The following IQSEC1 variants were observed in gnomAD, a reference collection of about 807,000 sequenced individuals.
IQSEC1 encodes IQ motif and SEC7 domain-containing protein 1.
In IQSEC1, 31 loss-of-function variants were observed where a neutral mutation model predicts 91.0. That is an observed-to-expected ratio of 0.34 (90% CI 0.26 to 0.46). The LOEUF (loss-of-function observed/expected upper bound fraction) is 0.46. IQSEC1 is among the 20% of genes least tolerant of loss of function. IQSEC1 has a pLI of 1.00. For missense variants in IQSEC1, 1,388 were observed against 1,575.6 expected, an observed-to-expected ratio of 0.88 and a Z score of 2.02; for synonymous variants, 699 against 662.6, an observed-to-expected ratio of 1.05 and a Z score of -0.84.
At chr3:13,105,249 C>T (rs1338800722) in intron 2 of IQSEC1, among the ~76,000 whole-genome samples, 3 of 152,160 alleles carry the variant, frequency 2.0e-5, no homozygotes, top group South Asian at 2.1e-4. Context: ...CCCTGATCCC[C>T]TCCCCTCCAG....
intron 1 of IQSEC1, among the ~76,000 whole-genome samples, chr3:13,011,725 C>A (rs890861428): frequency 6.6e-6 from 1 of 152,264 alleles, no homozygotes; most frequent in Non-Finnish European, 1.5e-5. Context: ...TTTCACACCC[C>A]TGTTCTGTAG....
intron 1 of IQSEC1, among the ~76,000 whole-genome samples, chr3:13,278,493 G>A (rs1421315196): frequency 6.6e-6 from 1 of 152,172 alleles, no homozygotes; most frequent in African/African-American, 2.4e-5. Flanking sequence ...CTGGCCATTC[G>A]ACAGCATGAA....
In IQSEC1 at chr3:13,207,125, G is replaced by A. The variant is rs73031479; in HGVS notation, c.273-42992C>T. On this transcript the variant is annotated intron_variant, in intron 1 of 15. Transcript: ENST00000648114. This position sits in a 1 kb window ranked among gnomAD's most constrained non-coding sequence, Gnocchi z 4.8. ...CCCTGACAATTTCTACTACTGCATC[G>A]TGGGACCACCCAACTTGTGCCCTCA... Among the ~76,000 whole-genome samples the A allele has an allele frequency of 8.7e-3, 1,323 of 152,152 alleles. 11 individuals carry two copies. The highest frequency in any genetic ancestry group is 0.015 in the Non-Finnish European group (1,035 of 68,000).
chr3:13,032,662 C>T (rs1398035977), intron 1 of IQSEC1, among the ~76,000 whole-genome samples: 1 of 151,646 alleles, frequency 6.6e-6, no homozygotes, highest in Non-Finnish European at 1.5e-5. Context: ...TGGCTCACTG[C>T]AAGCTCCACC....
chr3:13,002,246 A>T (rs944869882), intron 1 of IQSEC1, among the ~76,000 whole-genome samples: 3 of 152,254 alleles, frequency 2.0e-5, no homozygotes, highest in Non-Finnish European at 4.4e-5. Context: ...AGACAAAAAC[A>T]TAAGAAGAAA....
At chr3:13,151,778 C>T (rs1424273702) in intron 2 of IQSEC1, among the ~76,000 whole-genome samples, 6 of 152,110 alleles carry the variant, frequency 3.9e-5, no homozygotes, top group Non-Finnish European at 8.8e-5. Flanking sequence ...CCAGCCTGAC[C>T]AACATGGTGA....
chr3:13,015,817 T>C (rs1703101478), intron 1 of IQSEC1: 1 of 722,216 alleles, frequency 1.4e-6, no homozygotes, highest in Non-Finnish European at 1.7e-6. Flanking sequence ...TCCTTCCAGG[T>C]CTGGCAAACC....
rs189825941 is a variant in IQSEC1, at chr3:13,006,747, G to A, written c.24-64882C>T. Among the ~76,000 whole-genome samples, 99 of 152,348 alleles carry A rather than the reference G, an allele frequency of 6.5e-4. No individual in the cohort carries two copies. The Middle Eastern group carries it at 0.027, about 42-fold the overall frequency. On this transcript the variant is annotated intron_variant, in intron 1 of 13. Transcript: ENST00000613206. ...GGCCCCAGGAGGCAGCAGCACACCC[G>A]GAAGCACTGCCTGGGCCCAGGGGCA...
intron 1 of IQSEC1, among the ~76,000 whole-genome samples, chr3:13,275,815 G>A (rs1301836599): frequency 6.6e-6 from 1 of 152,244 alleles, no homozygotes; most frequent in African/African-American, 2.4e-5. Flanking sequence ...AGGAAGGGGT[G>A]TGAGTAGAAG....
chr3:13,121,833 G>A (rs549906143), intron 2 of IQSEC1, among the ~76,000 whole-genome samples: 1 of 152,352 alleles, frequency 6.6e-6, no homozygotes, highest in East Asian at 1.9e-4. Flanking sequence ...TGAGGGGACA[G>A]ACTAGGCCGC....
rs1335744963 is a variant in IQSEC1 at position 12,901,016 on chromosome 3, C to T, written c.3312G>A (p.Lys1104=). The T allele has an allele frequency of 1.9e-6, 3 of 1,542,966 alleles. No homozygotes were observed. The highest frequency in any genetic ancestry group is 1.7e-6 in the Non-Finnish European group (2 of 1,145,792). ...TTGTGCTGATGCCGCTGGGTTTGGC[C>T]TTGCTGCTGGTGGGGGGCGGCGGGG... ...PPAPPPPTSS[K]AKPSGISTIV Residue 1104 remains lysine, a synonymous_variant, in exon 14 of 14, where the codon AAG becomes AAA. Coordinates refer to ENST00000613206, the MANE Select transcript of IQSEC1 (RefSeq NM_001134382.3).
intron 1 of IQSEC1, among the ~76,000 whole-genome samples, chr3:13,062,472 G>A (rs150247624): frequency 1.6e-4 from 25 of 152,278 alleles, no homozygotes; most frequent in African/African-American, 5.3e-4. Context: ...AGCACATAAG[G>A]AGTTCCATCT....
At chr3:13,195,069 A>G (rs1185853238) in intron 1 of IQSEC1, among the ~76,000 whole-genome samples, 1 of 152,208 alleles carries the variant, frequency 6.6e-6, no homozygotes, top group Non-Finnish European at 1.5e-5. Flanking sequence ...CATGCTACTG[A>G]CTGGGGAGAA....
chr3:13,139,148 C>T (rs1258341106), intron 2 of IQSEC1, among the ~76,000 whole-genome samples: 2 of 152,194 alleles, frequency 1.3e-5, no homozygotes, highest in Admixed American at 6.5e-5. Context: ...GACAGCACTT[C>T]GCTAGCCATT....
chr3:12,962,080 A>AGGCCCAGGGAGG (rs1700273759), intron 1 of IQSEC1, among the ~76,000 whole-genome samples: 1 of 152,238 alleles, frequency 6.6e-6, no homozygotes, highest in Non-Finnish European at 1.5e-5. Context: ...GGATGGGATG[A>AGGCCCAGGGAGG]GATGGGTGAC....
At chr3:13,064,811 G>A (rs956479459) in intron 1 of IQSEC1, among the ~76,000 whole-genome samples, 1 of 152,244 alleles carries the variant, frequency 6.6e-6, no homozygotes, top group Non-Finnish European at 1.5e-5. Flanking sequence ...GTGGATTCTT[G>A]GTGTGGGGGC....
At chr3:13,141,979 A>G (rs1210665501) in intron 2 of IQSEC1, among the ~76,000 whole-genome samples, 1 of 152,216 alleles carries the variant, frequency 6.6e-6, no homozygotes, top group Non-Finnish European at 1.5e-5. Context: ...GCAACCACAC[A>G]GGAACTTATA....
At chr3:12,951,243 T>C (rs1267725526) in intron 1 of IQSEC1, among the ~76,000 whole-genome samples, 1 of 152,164 alleles carries the variant, frequency 6.6e-6, no homozygotes, top group Admixed American at 6.5e-5. Flanking sequence ...GCCAACATGG[T>C]TAAACTCTGT....
At chr3:13,174,843 C>G (rs1318970897) in intron 1 of IQSEC1, among the ~76,000 whole-genome samples, 2 of 151,336 alleles carry the variant, frequency 1.3e-5, no homozygotes, top group Admixed American at 6.6e-5. Flanking sequence ...TCCCCCCCCC[C>G]ACCTCCTCCC....
Sources: gnomAD v4.1 joint callset for allele counts (sites outside exome capture counted in the v4.1 genomes callset) on GRCh38, gnomAD v4.1.1 for gene constraint, Gnocchi (gnomAD v3.1) non-coding constraint, MANE v1.5 for transcripts, NCBI Gene and HGNC (gene_info 2026-07-23, HGNC 2026-07-21) for gene names.